Variants in ZNF438 observed in about 807,000 individuals in gnomAD.
ZNF438 encodes zinc finger protein 438.
Under a neutral mutation model 38.0 loss-of-function variants are expected in ZNF438, and 25 were observed. The observed-to-expected ratio is 0.66, with a 90% CI of 0.48 to 0.92. The LOEUF is 0.92. Among genes scored for constraint, ZNF438 ranks in the 40% least tolerant of loss-of-function variants. ZNF438 has a pLI of 0.00. For missense variants in ZNF438, 1,007 were observed against 999.6 expected (o/e 1.01, Z -0.10); for synonymous variants, 372 against 364.1 (o/e 1.02, Z -0.25).
intron 2 of ZNF438, among the ~76,000 whole-genome samples, chr10:30,925,429 A>G (rs2044800706): frequency 1.3e-5 from 2 of 152,262 alleles, no homozygotes; most frequent in Non-Finnish European, 2.9e-5. Context: ...ATGTTTATCC[A>G]GAAAGTATAA....
intron 2 of ZNF438, among the ~76,000 whole-genome samples, chr10:30,926,579 T>C (rs2044955823): frequency 6.6e-6 from 1 of 150,682 alleles, no homozygotes; most frequent in African/African-American, 2.4e-5. Context: ...GACAGGAGAA[T>C]CACTTGAACC....
rs572596827 is a variant in ZNF438 at position 30,853,205 on chromosome 10, T to A, written c.38-2838A>T. 5.9e-5 allele frequency among the ~76,000 whole-genome samples: 9 copies of A among 152,320 alleles called. No individual in the cohort carries two copies. In the South Asian group the frequency reaches 1.9e-3, roughly 32 times the overall value. On this transcript the variant is annotated intron_variant, in intron 4 of 5. Coordinates refer to ENST00000413025, the Ensembl canonical transcript of ZNF438. ...TTTATCACTAGTTCTTCCTCCTAAC[T>A]GGGCAGAAAATATTTACCGCAAGAT...
chr10:30,879,539 CAT>C (rs1263970731), intron 3 of ZNF438, among the ~76,000 whole-genome samples: 9 of 152,022 alleles, frequency 5.9e-5, no homozygotes, highest in African/African-American at 2.2e-4. Flanking sequence ...GCAGGACTGA[CAT>C]ATATTAGAAT....
At chr10:30,968,949 G>A (rs1257117002) in intron 1 of ZNF438, among the ~76,000 whole-genome samples, 2 of 152,050 alleles carry the variant, frequency 1.3e-5, no homozygotes, top group Non-Finnish European at 1.5e-5. Flanking sequence ...GAGTATGAGA[G>A]CTATTAACTG....
At chr10:30,852,749 T>C (rs1385935851) in intron 4 of ZNF438, among the ~76,000 whole-genome samples, 1 of 152,248 alleles carries the variant, frequency 6.6e-6, no homozygotes, top group Non-Finnish European at 1.5e-5. Flanking sequence ...GTGAGTGCTA[T>C]TGTCTGGAAA....
intron 1 of ZNF438, among the ~76,000 whole-genome samples, chr10:31,019,200 A>G (rs1486303750): frequency 6.6e-6 from 1 of 152,200 alleles, no homozygotes; most frequent in Non-Finnish European, 1.5e-5. Flanking sequence ...CAAACCCTCC[A>G]GGGCTTCCTA....
At chr10:30,997,994 G>A (rs2054228572) in intron 1 of ZNF438, among the ~76,000 whole-genome samples, 1 of 152,270 alleles carries the variant, frequency 6.6e-6, no homozygotes, top group East Asian at 1.9e-4. Flanking sequence ...AGTTATATGA[G>A]ACAATAAAAT....
chr10:30,956,906 C>T (rs3011603), intron 1 of ZNF438, among the ~76,000 whole-genome samples: 2 of 152,108 alleles, frequency 1.3e-5, no homozygotes, highest in East Asian at 1.9e-4. Context: ...ATATATAAGC[C>T]GTACAGTGAA....
rs751922622 is a variant in ZNF438, at chr10:30,925,782, C to T, written c.-115+15793G>A. 6.6e-5 allele frequency among the ~76,000 whole-genome samples: 10 copies of T among 152,180 alleles called. 1 individual carries two copies. The highest frequency in any genetic ancestry group is 1.0e-4 in the Non-Finnish European group (7 of 68,034). On this transcript the variant is annotated intron_variant, in intron 2 of 5. Coordinates refer to ENST00000413025, the Ensembl canonical transcript of ZNF438. ...CCAGCTGCTAGAGGACTCCAAGGCC[C>T]ACATTATGGAAGGTCACCAAATGAT...
chr10:30,950,089 G>C (rs2047981197), intron 1 of ZNF438, among the ~76,000 whole-genome samples: 1 of 150,128 alleles, frequency 6.7e-6, no homozygotes, highest in South Asian at 2.1e-4. Flanking sequence ...TCAGGATTAA[G>C]AATCTCACTC....
intron 1 of ZNF438, among the ~76,000 whole-genome samples, chr10:30,951,717 T>G (rs866174593): frequency 0.033 from 5,058 of 151,230 alleles, 271 homozygotes; most frequent in African/African-American, 0.11. Context: ...TCTTCAAGGA[T>G]AACTATAAAC....
intron 1 of ZNF438, among the ~76,000 whole-genome samples, chr10:30,977,352 C>A (rs2051489170): frequency 6.6e-6 from 1 of 152,180 alleles, no homozygotes; most frequent in Non-Finnish European, 1.5e-5. Flanking sequence ...GAAAGAAATT[C>A]TTCTTTTTCA....
intron 3 of ZNF438, among the ~76,000 whole-genome samples, chr10:30,889,891 T>C (rs1161883188): frequency 6.6e-6 from 1 of 152,114 alleles, no homozygotes; most frequent in African/African-American, 2.4e-5. Context: ...TTTTTTTCCA[T>C]TTCAGTTTCT....
At chr10:30,973,918 C>A (rs2051029489) in intron 1 of ZNF438, among the ~76,000 whole-genome samples, 1 of 152,236 alleles carries the variant, frequency 6.6e-6, no homozygotes, top group Non-Finnish European at 1.5e-5. Context: ...CCCAGCTCAA[C>A]TTACAACAGA....
chr10:30,974,999 T>G (rs1422454021), intron 1 of ZNF438, among the ~76,000 whole-genome samples: 1 of 152,176 alleles, frequency 6.6e-6, no homozygotes, highest in African/African-American at 2.4e-5. Flanking sequence ...GAGAGGCTGT[T>G]CTCAGCTTTA....
intron 1 of ZNF438, among the ~76,000 whole-genome samples, chr10:31,029,529 T>C (rs1334630624): frequency 6.6e-6 from 1 of 152,082 alleles, no homozygotes; most frequent in Non-Finnish European, 1.5e-5. Context: ...TCAAAACGTA[T>C]CACCAATTCT....
At chr10:30,995,705 C>T (rs1004771926) in intron 1 of ZNF438, among the ~76,000 whole-genome samples, 1 of 152,190 alleles carries the variant, frequency 6.6e-6, no homozygotes, top group Non-Finnish European at 1.5e-5. Context: ...GGGCTAACAA[C>T]ATTTACTGCT....
chr10:31,003,292 TC>T (rs1256866292), intron 1 of ZNF438, among the ~76,000 whole-genome samples: 2 of 152,168 alleles, frequency 1.3e-5, no homozygotes, highest in Non-Finnish European at 2.9e-5. Flanking sequence ...AATTGTTCTA[TC>T]TACCCTGCCA....
At chr10:30,860,804 T>C (rs1409201217) in intron 4 of ZNF438, among the ~76,000 whole-genome samples, 1 of 152,164 alleles carries the variant, frequency 6.6e-6, no homozygotes, top group Non-Finnish European at 1.5e-5. Flanking sequence ...ACCTAGTAAG[T>C]AGTGAGGCCA....
Sources: allele counts gnomAD v4.1 joint callset (sites outside exome capture counted in the v4.1 genomes callset), GRCh38; gene constraint gnomAD v4.1.1; transcripts MANE v1.5; gene names NCBI Gene and HGNC (gene_info 2026-07-23, HGNC 2026-07-21).